The following GRIA4 variants were observed in gnomAD, a reference collection of about 807,000 sequenced individuals.
The protein encoded by GRIA4 is glutamate ionotropic receptor AMPA type subunit 4.
GRIA4 carries 34 observed loss-of-function variants against 104.0 expected under a neutral mutation model. That is an observed-to-expected ratio of 0.33 (90% confidence interval 0.25 to 0.44). The LOEUF is 0.44. Among genes scored for constraint, GRIA4 ranks in the 20% least tolerant of loss-of-function variants. The pLI is 1.00. For synonymous variants in GRIA4, 386 were observed against 381.9 expected (o/e 1.01, Z -0.13); for missense variants, 750 against 1,096.5 (o/e 0.68, Z 4.46).
At position 105,939,011 on chromosome 11, in the gene GRIA4, A is replaced by G. The variant is rs906377617; in HGVS notation, c.2294+5042A>G. Reference sequence around the variant, plus strand: ...TAATTAAAAGATAACTAAAATTACAACTCCTCATGAAGAAGGAAACAAACG... The same window carrying G: ...TAATTAAAAGATAACTAAAATTACAGCTCCTCATGAAGAAGGAAACAAACG... On this transcript the variant is annotated intron_variant, in intron 14 of 16. Coordinates refer to ENST00000282499, the MANE Select transcript of GRIA4 (RefSeq NM_000829.4). Among the ~76,000 whole-genome samples, 5 of 151,970 alleles carry G rather than the reference A, an allele frequency of 3.3e-5. No homozygotes were observed. The East Asian group carries it at 9.6e-4, about 29-fold the overall frequency.
chr11:105,961,279 G>C (rs1948738694), intron 14 of GRIA4, among the ~76,000 whole-genome samples: 2 of 152,072 alleles, frequency 1.3e-5, no homozygotes, highest in Admixed American at 1.3e-4. Flanking sequence ...TTCAAATAAG[G>C]CTGAATTATT....
intron 4 of GRIA4, among the ~76,000 whole-genome samples, chr11:105,761,085 G>C (rs1048058983): frequency 1.3e-5 from 2 of 151,960 alleles, no homozygotes; most frequent in Non-Finnish European, 2.9e-5. Flanking sequence ...CTCCCACCTT[G>C]GTCACAGATT....
chr11:105,774,963 A>T (rs1403119428), intron 4 of GRIA4, among the ~76,000 whole-genome samples: 1 of 152,178 alleles, frequency 6.6e-6, no homozygotes, highest in Non-Finnish European at 1.5e-5. Context: ...GTCAGAAGGA[A>T]AAATTAGTTT....
intron 4 of GRIA4, among the ~76,000 whole-genome samples, chr11:105,802,254 A>C (rs952639009): frequency 2.0e-5 from 3 of 152,178 alleles, no homozygotes; most frequent in African/African-American, 7.2e-5. Flanking sequence ...GTAGAACACC[A>C]AAAGCAGAGC....
chr11:105,759,952 C>T (rs911240349), intron 4 of GRIA4, among the ~76,000 whole-genome samples: 1 of 146,600 alleles, frequency 6.8e-6, no homozygotes, highest in Non-Finnish European at 1.5e-5. Context: ...AGAATAGTGC[C>T]CCCATACAGT....
At chr11:105,716,335 A>G (rs1954088376) in intron 3 of GRIA4, among the ~76,000 whole-genome samples, 2 of 152,148 alleles carry the variant, frequency 1.3e-5, no homozygotes, top group Admixed American at 1.3e-4. Context: ...TAATATACTT[A>G]CTTCTAGCTT....
At chr11:105,974,649 C>T in intron 16 of GRIA4, 1 of 1,222,874 alleles carries the variant, frequency 8.2e-7, no homozygotes, top group Non-Finnish European at 1.1e-6. Context: ...TTGCTTGCTT[C>T]TAATTAGAGC....
chr11:105,704,800 T>G (rs1483302836), intron 3 of GRIA4, among the ~76,000 whole-genome samples: 1 of 152,174 alleles, frequency 6.6e-6, no homozygotes, highest in Non-Finnish European at 1.5e-5. Flanking sequence ...TCCCCTTTCT[T>G]GTATTACATT....
chr11:105,866,472 T>C (rs1232752034), intron 5 of GRIA4, among the ~76,000 whole-genome samples: 1 of 150,192 alleles, frequency 6.7e-6, no homozygotes, highest in African/African-American at 2.4e-5. Context: ...ACACTGCATA[T>C]GCAGTGTGTG....
chr11:105,819,713 A>G (rs1943509265), intron 4 of GRIA4, among the ~76,000 whole-genome samples: 1 of 152,098 alleles, frequency 6.6e-6, no homozygotes, highest in African/African-American at 2.4e-5. Flanking sequence ...ACATTATTAT[A>G]TTTAAATCTC....
intron 14 of GRIA4, among the ~76,000 whole-genome samples, chr11:105,955,133 CTTTT>C (rs998346405): frequency 5.3e-5 from 8 of 151,782 alleles, no homozygotes; most frequent in Non-Finnish European, 1.2e-4. Context: ...GTTTTTAATT[CTTTT>C]TTTCTCCTTT....
At chr11:105,734,529 G>A (rs747964375) in intron 3 of GRIA4, among the ~76,000 whole-genome samples, 11 of 151,854 alleles carry the variant, frequency 7.2e-5, no homozygotes, top group African/African-American at 1.7e-4. Context: ...AGATGATTTC[G>A]CTCTCCTGTT....
intron 4 of GRIA4, among the ~76,000 whole-genome samples, chr11:105,802,919 T>C (rs1048032032): frequency 5.9e-5 from 9 of 151,872 alleles, no homozygotes; most frequent in South Asian, 2.1e-4. Context: ...TGCACACATA[T>C]ATACTAAAAT....
chr11:105,713,767 A>C (rs1450707242), intron 3 of GRIA4, among the ~76,000 whole-genome samples: 1 of 152,202 alleles, frequency 6.6e-6, no homozygotes, highest in African/African-American at 2.4e-5. Context: ...AAATATTTTA[A>C]AGATGCACAA....
chr11:105,945,076 A>G (rs1948275993), intron 14 of GRIA4, among the ~76,000 whole-genome samples: 1 of 152,162 alleles, frequency 6.6e-6, no homozygotes, highest in Non-Finnish European at 1.5e-5. Flanking sequence ...AAACAAAAGA[A>G]GGTCAGGGAG....
At chr11:105,715,286 TTA>T (rs1485392185) in intron 3 of GRIA4, among the ~76,000 whole-genome samples, 1 of 152,218 alleles carries the variant, frequency 6.6e-6, no homozygotes, top group Non-Finnish European at 1.5e-5. Flanking sequence ...ACATTTTCTA[TTA>T]TATGACTACC....
chr11:105,824,359 T>C (rs534106615), intron 4 of GRIA4, among the ~76,000 whole-genome samples: 13 of 152,176 alleles, frequency 8.5e-5, no homozygotes, highest in African/African-American at 3.1e-4. Flanking sequence ...TTTATACTAT[T>C]TCTTAATTTT....
chr11:105,940,474 G>T (rs1442869034), intron 14 of GRIA4, among the ~76,000 whole-genome samples: 1 of 152,040 alleles, frequency 6.6e-6, no homozygotes, highest in Non-Finnish European at 1.5e-5. Flanking sequence ...ACACATGCAG[G>T]CACACAACAC....
Position 105,955,639 on chromosome 11 carries a change from T to C in GRIA4, c.2295-16275T>C, listed in dbSNP as rs149600170. ...TATATTCCTTTGGGTATATACCCAGTAATGGGATTGCTGGGTCATGGTATT... is the reference window on the plus strand; with the variant it reads ...TATATTCCTTTGGGTATATACCCAGCAATGGGATTGCTGGGTCATGGTATT... On this transcript the variant is annotated intron_variant, in intron 14 of 16. Transcript: ENST00000282499. 5.9e-5 allele frequency among the ~76,000 whole-genome samples: 9 copies of C among 152,332 alleles called. No homozygotes were observed. The East Asian group carries it at 1.7e-3, about 29-fold the overall frequency.
Sources: allele counts gnomAD v4.1 joint callset (sites outside exome capture counted in the v4.1 genomes callset), GRCh38; gene constraint gnomAD v4.1.1; transcripts MANE v1.5; gene names NCBI Gene and HGNC (gene_info 2026-07-23, HGNC 2026-07-21).